Variants in CWC27 observed in about 807,000 individuals in gnomAD.
CWC27 encodes CWC27 spliceosome associated cyclophilin.
CWC27 carries 47 observed loss-of-function variants against 63.6 expected under a neutral mutation model. The ratio of observed to expected loss-of-function variants is 0.74; its 90% CI spans 0.58 to 0.94. The LOEUF (loss-of-function observed/expected upper bound fraction) is 0.94, where lower values mean the gene tolerates loss of function less well. Ranked by LOEUF, CWC27 falls within the 40% of genes least tolerant of loss-of-function variation. The pLI, the probability that CWC27 is intolerant of heterozygous loss-of-function variation, is 0.00. For missense variants in CWC27, 495 were observed against 554.3 expected, an observed-to-expected ratio of 0.89 and a Z score of 1.07; for synonymous variants, 175 against 179.8, an observed-to-expected ratio of 0.97 and a Z score of 0.22.
chr5:64,945,076 C>T (rs1346749178), intron 11 of CWC27, among the ~76,000 whole-genome samples: 1 of 152,142 alleles, frequency 6.6e-6, no homozygotes, highest in East Asian at 1.9e-4. Flanking sequence ...GGCCATTGCT[C>T]ATGCTGTTAC....
intron 11 of CWC27, among the ~76,000 whole-genome samples, chr5:64,890,363 TTTTTGAGTAC>T (rs1747201473): frequency 6.6e-6 from 1 of 152,136 alleles, no homozygotes; most frequent in South Asian, 2.1e-4. Flanking sequence ...AAGTATATAG[TTTTTGAGTAC>T]TTTTCATCTG....
intron 10 of CWC27, among the ~76,000 whole-genome samples, chr5:64,833,800 T>C (rs2112267966): frequency 6.6e-6 from 1 of 151,692 alleles, no homozygotes; most frequent in East Asian, 1.9e-4. Flanking sequence ...TATTCTTTCC[T>C]TAAGTTAGAC....
chr5:64,841,509 A>C (rs1217535609), intron 10 of CWC27, among the ~76,000 whole-genome samples: 5 of 152,186 alleles, frequency 3.3e-5, no homozygotes, highest in Non-Finnish European at 7.3e-5. Flanking sequence ...CTAGTTACCA[A>C]GCTAGAAATT....
intron 2 of CWC27, among the ~76,000 whole-genome samples, chr5:64,776,094 AGAGAGAGAGAGAGAGAG>A (rs1743437658): frequency 6.7e-6 from 1 of 150,056 alleles, no homozygotes; most frequent in Non-Finnish European, 1.5e-5. Flanking sequence ...AGAGAGAGAG[AGAGAGAGAGAGAGAGAG>A]AGAGAGAGAG....
chr5:64,810,119 T>C (rs918168548), intron 10 of CWC27, among the ~76,000 whole-genome samples: 3 of 152,158 alleles, frequency 2.0e-5, no homozygotes, highest in Admixed American at 1.3e-4. Context: ...TGCAGGTGAA[T>C]ATCCAGTTTT....
intron 10 of CWC27, among the ~76,000 whole-genome samples, chr5:64,863,758 GGGTTACAGGCAT>G (rs1746473361): frequency 6.6e-6 from 1 of 152,052 alleles, no homozygotes; most frequent in South Asian, 2.1e-4. Context: ...AAGAGTGCTG[GGGTTACAGGCAT>G]GAGACACTGC....
chr5:64,988,602 A>AT (rs34138527), intron 13 of CWC27, among the ~76,000 whole-genome samples: 1,448 of 126,962 alleles, frequency 0.011, 14 homozygotes, highest in Middle Eastern at 0.029. Flanking sequence ...CTGTTAGACT[A>AT]TTTTTTTTTT....
chr5:64,812,234 C>T (rs1040722820), intron 10 of CWC27, among the ~76,000 whole-genome samples: 1 of 151,812 alleles, frequency 6.6e-6, no homozygotes, highest in Non-Finnish European at 1.5e-5. Context: ...TTAAAAAAAA[C>T]AGGTTAGTAA....
At chr5:64,936,750 G>T (rs577624622) in intron 11 of CWC27, among the ~76,000 whole-genome samples, 1 of 152,028 alleles carries the variant, frequency 6.6e-6, no homozygotes, top group African/African-American at 2.4e-5. Context: ...TGGTTGGTAC[G>T]CTATTAATTA....
chr5:65,012,939 A>ACCT (rs1333076986), intron 13 of CWC27, among the ~76,000 whole-genome samples: 1 of 152,176 alleles, frequency 6.6e-6, no homozygotes, highest in Non-Finnish European at 1.5e-5. Flanking sequence ...TTAAATCAAT[A>ACCT]CCTTTGGAGT....
At chr5:64,870,009 G>T (rs188035430) in intron 10 of CWC27, among the ~76,000 whole-genome samples, 34 of 152,144 alleles carry the variant, frequency 2.2e-4, no homozygotes. Context: ...AGAGTGAAAA[G>T]GTATTAATTC....
At chr5:64,857,999 G>A (rs1248160940) in intron 10 of CWC27, among the ~76,000 whole-genome samples, 5 of 147,908 alleles carry the variant, frequency 3.4e-5, no homozygotes, top group Non-Finnish European at 7.5e-5. Flanking sequence ...TTAGCCGGGC[G>A]TGGTAGCGGG....
intron 10 of CWC27, among the ~76,000 whole-genome samples, chr5:64,881,888 C>T (rs980122859): frequency 3.3e-5 from 5 of 152,042 alleles, no homozygotes; most frequent in South Asian, 2.1e-4. Context: ...CCTTAGTGTT[C>T]GGAAAACATC....
intron 13 of CWC27, among the ~76,000 whole-genome samples, chr5:64,984,314 T>C (rs1449122507): frequency 6.6e-6 from 1 of 152,202 alleles, no homozygotes; most frequent in African/African-American, 2.4e-5. Context: ...TTTTTGGTCC[T>C]CATAGTACCG....
At chr5:64,802,718 A>C (rs1340843161) in intron 9 of CWC27, among the ~76,000 whole-genome samples, 1 of 152,210 alleles carries the variant, frequency 6.6e-6, no homozygotes, top group East Asian at 1.9e-4. Context: ...AGATGGGTGC[A>C]AAAGAAAGCA....
chr5:64,966,082 G>C (rs908499903), intron 11 of CWC27, among the ~76,000 whole-genome samples: 5 of 152,074 alleles, frequency 3.3e-5, no homozygotes, highest in African/African-American at 2.4e-5. Flanking sequence ...GTTAAAATGT[G>C]AGAAATGCAG....
intron 13 of CWC27, among the ~76,000 whole-genome samples, chr5:65,005,290 C>G (rs958083298): frequency 1.3e-5 from 2 of 151,994 alleles, no homozygotes; most frequent in African/African-American, 4.8e-5. Context: ...AATCCCCACA[C>G]CTCCAGATGG....
At position 64,846,732 on chromosome 5, in the gene CWC27, G is replaced by T. The variant is rs577983329; in HGVS notation, c.939-38711G>T. Among the ~76,000 whole-genome samples, 10 of 152,284 alleles carry T rather than the reference G, an allele frequency of 6.6e-5. No individual in the cohort carries two copies. In the South Asian group the frequency reaches 2.1e-3, roughly 32 times the overall value. On this transcript the variant is annotated intron_variant, in intron 10 of 13. Transcript: ENST00000381070. ...CAATAGGCCGGGCACAGTGGCTCATGCTTGTAATCCCAGCACTTTGGGAGG... is the reference window on the plus strand; with the variant it reads ...CAATAGGCCGGGCACAGTGGCTCATTCTTGTAATCCCAGCACTTTGGGAGG...
At chr5:64,851,030 A>G (rs1746118995) in intron 10 of CWC27, among the ~76,000 whole-genome samples, 1 of 152,244 alleles carries the variant, frequency 6.6e-6, no homozygotes, top group South Asian at 2.1e-4. Flanking sequence ...TATATGAATC[A>G]GAAATACCAC....
Sources: allele counts gnomAD v4.1 joint callset (sites outside exome capture counted in the v4.1 genomes callset), GRCh38; gene constraint gnomAD v4.1.1; transcripts MANE v1.5; gene names NCBI Gene and HGNC (gene_info 2026-07-23, HGNC 2026-07-21).